SUN2: variants seen among roughly 807,000 people sequenced by gnomAD.
SUN2 encodes the protein SUN domain-containing protein 2.
A neutral mutation model predicts 100.0 loss-of-function variants in SUN2; 60 were observed. The observed-to-expected ratio is 0.60, with a 90% confidence interval of 0.49 to 0.74. SUN2 has a LOEUF of 0.74. SUN2 is among the 30% of genes least tolerant of loss of function. The pLI, the probability that SUN2 is intolerant of heterozygous loss-of-function variation, is 0.00. For missense variants in SUN2, 834 were observed against 954.6 expected, an observed-to-expected ratio of 0.87 and a Z score of 1.66; for synonymous variants, 367 against 403.3, an observed-to-expected ratio of 0.91 and a Z score of 1.08.
chr22:38,741,158 A>C (rs2092854224), intron 10 of SUN2, 108 bp from the exon 11 acceptor site: 1 of 1,274,670 alleles, frequency 7.8e-7, no homozygotes, highest in South Asian at 1.3e-5. Flanking sequence ...ACCCCTGCCC[A>C]AGGTCTCTTG....
At position 38,739,353 on chromosome 22, in the gene SUN2, A is replaced by G; in HGVS notation, c.1652T>C (p.Leu551Pro). 2 of 1,613,076 alleles carry G rather than the reference A, an allele frequency of 1.2e-6. No homozygotes were observed. Among genetic ancestry groups the G allele is most frequent in the Non-Finnish European group, 1.7e-6 (2 of 1,180,012 alleles). The change falls in exon 14 of 18, where the codon CTG (leucine) becomes CCG (proline). Residue 551 changes from leucine to proline, a missense_variant. Coordinates refer to ENST00000689035, the MANE Select transcript of SUN2 (RefSeq NM_015374.3). The surrounding 1 kb of genome is among the most constrained non-coding windows in gnomAD (Gnocchi z 6.7). ...EDRIGLADYA[L>P]ESGGASVIST... Reference sequence around the variant, plus strand: ...AGCAGAGCACGTACCTCCTGACTCCAGGGCGTAGTCTGCCAGCCCGATGCG... The same window carrying G: ...AGCAGAGCACGTACCTCCTGACTCCGGGGCGTAGTCTGCCAGCCCGATGCG...
chr22:38,735,767 G>T lies in SUN2; in HGVS notation c.*500C>A, dbSNP rs1287501184. 3 of 160,430 alleles carry T rather than the reference G, an allele frequency of 1.9e-5. No individual in the cohort carries two copies. The highest frequency in any genetic ancestry group is 7.2e-5 in the African/African-American group (3 of 41,522). The allele number at this position is 160,430 out of a possible 1,614,324, so 9.9% of individuals were successfully genotyped here. A position where few individuals can be genotyped will look rare whatever the true frequency, so the allele number is the denominator to read the frequency against. On this transcript the variant is annotated 3_prime_UTR_variant, in exon 18 of 18. Coordinates refer to ENST00000689035, the MANE Select transcript of SUN2 (RefSeq NM_015374.3). Reference sequence around the variant, plus strand: ...ACTAACCTTGTAGGAGAGCTGGGCAGCTCTCCATCAAGTGCTTCCTGCCTG... The same window carrying T: ...ACTAACCTTGTAGGAGAGCTGGGCATCTCTCCATCAAGTGCTTCCTGCCTG...
In SUN2 at chr22:38,755,176, T is replaced by C. The variant is rs80145848; in HGVS notation, c.-38+587A>G. On this transcript the variant is annotated intron_variant, in intron 1 of 17. Transcript: ENST00000689035. This position sits in a 1 kb window ranked among gnomAD's most constrained non-coding sequence, Gnocchi z 5.7. ...GATCTGGGGCATCTTCCTCGTGACA[T>C]TTCCACTCCCTGGGCACAGCCAGGC... 2.0e-3 allele frequency: 2,274 copies of C among 1,138,412 alleles called. 42 individuals carry two copies. In the African/African-American group the frequency reaches 0.035, roughly 18 times the overall value. The allele number at this position is 1,138,412 out of a possible 1,614,324, so 70.5% of individuals were successfully genotyped here.
intron 17 of SUN2, 45 bp from the exon 18 acceptor site, chr22:38,736,425 G>T: frequency 6.6e-7 from 1 of 1,513,472 alleles, no homozygotes; most frequent in Non-Finnish European, 9.0e-7. Flanking sequence ...GACCTGTGAG[G>T]CCTCACTGAC....
In SUN2 at chr22:38,738,973, C is replaced by G. The variant is rs139325445; in HGVS notation, c.1679G>C (p.Ser560Thr). The change falls in exon 15 of 18, where the codon AGC becomes ACC. Residue 560 changes from serine to threonine, a missense_variant. Around this residue, in one of 3 missense-constraint regions of SUN2, gnomAD observed 195 missense variants for 280.2 expected, o/e 0.70. Coordinates refer to ENST00000689035, the MANE Select transcript of SUN2 (RefSeq NM_015374.3). This position sits in a 1 kb window ranked among gnomAD's most constrained non-coding sequence, Gnocchi z 6.6. ...ALESGGASVI[S>T]TRCSETYETK... ...CTCGTAGGTCTCAGAACATCGGGTG[C>G]TGATGACGCTGGCCCCTGAGACAGG... The G allele has an allele frequency of 6.2e-7, 1 of 1,611,336 alleles. No homozygotes were observed. The highest frequency in any genetic ancestry group is 8.5e-7 in the Non-Finnish European group (1 of 1,178,972).
chr22:38,738,091 T>C lies in SUN2; in HGVS notation c.2040+82A>G. ...GGCTTCCCTCTCTGAACCCCATGCC[T>C]GGCAGGGTAAGTGCCCAGGGAGCAC... On this transcript the variant is annotated intron_variant, in intron 17 of 17. Transcript: ENST00000689035. The surrounding 1 kb of genome is among the most constrained non-coding windows in gnomAD (Gnocchi z 6.6). 2 of 1,258,582 alleles carry C rather than the reference T, an allele frequency of 1.6e-6. No homozygotes were observed. Among genetic ancestry groups the C allele is most frequent in the East Asian group, 4.6e-5 (2 of 43,220 alleles). 78.0% of individuals were successfully genotyped at this position (1,258,582 alleles called of 1,614,324 possible). A position where few individuals can be genotyped will look rare whatever the true frequency, so the allele number is the denominator to read the frequency against.
rs754563807 is a variant in SUN2, at chr22:38,748,717, C to T, written c.681G>A (p.Thr227=). 1.5e-5 allele frequency: 25 copies of T among 1,614,128 alleles called. No individual in the cohort carries two copies. Among genetic ancestry groups the T allele is most frequent in the African/African-American group, 1.3e-4 (10 of 74,938 alleles). ...LLPLLLLTCL[T]YGAWYFYPYG... Reference sequence around the variant, plus strand: ...GCTCTCCCCATGCAGGCTCACCATACGTCAGGCACGTCAGCAAGAGCAGCG... The same window carrying T: ...GCTCTCCCCATGCAGGCTCACCATATGTCAGGCACGTCAGCAAGAGCAGCG... The change falls in exon 7 of 18, where the codon ACG becomes ACA. Residue 227 remains threonine (T), a synonymous_variant. Transcript: ENST00000689035.
chr22:38,750,522 C>T lies in SUN2; in HGVS notation c.425-202G>A, dbSNP rs138716. The T allele has an allele frequency of 0.29, 332,093 of 1,159,874 alleles. 50,574 individuals carry two copies. Among genetic ancestry groups the T allele is most frequent in the East Asian group, 0.49 (18,807 of 38,608 alleles). The allele number at this position is 1,159,874 out of a possible 1,614,324, so 71.8% of individuals were successfully genotyped here. A position where few individuals can be genotyped will look rare whatever the true frequency, so the allele number is the denominator to read the frequency against. On this transcript the variant is annotated intron_variant, in intron 4 of 17. Coordinates refer to ENST00000689035, the MANE Select transcript of SUN2 (RefSeq NM_015374.3). ...ACAGCTTCCTGTTTGCATCCCTCTC[C>T]TCACCAGCCACCCCTCAAGCTGCTG...
intron 1 of SUN2, chr22:38,754,603 TCCCCTCCCCCCTC>T: frequency 5.6e-6 from 5 of 889,148 alleles, no homozygotes; most frequent in Non-Finnish European, 8.0e-6. Flanking sequence ...TAAGGTAATC[TCCCCTCCCCCCTC>T]CCTGCCCCGC....
intron 1 of SUN2, among the ~76,000 whole-genome samples, chr22:38,753,451 G>A (rs1175462264): frequency 6.6e-6 from 1 of 151,934 alleles, no homozygotes; most frequent in Non-Finnish European, 1.5e-5. Context: ...CCTGACCTCA[G>A]GTGATCTGTC....
At chr22:38,750,648 G>A (rs1212527275) in intron 4 of SUN2, among the ~76,000 whole-genome samples, 1 of 152,248 alleles carries the variant, frequency 6.6e-6, no homozygotes, top group African/African-American at 2.4e-5. Context: ...GGGCCTGAAT[G>A]CAAGGATGTT....
chr22:38,738,147 TCTG>T lies in SUN2; in HGVS notation c.2040+23_2040+25del, dbSNP rs777972639. On this transcript the variant is annotated intron_variant, in intron 17 of 17. Coordinates refer to ENST00000689035, the MANE Select transcript of SUN2 (RefSeq NM_015374.3). The surrounding 1 kb of genome is among the most constrained non-coding windows in gnomAD (Gnocchi z 6.6). ...GCCTGGATGGGGAGTCTGCGCCACT[TCTG>T]CTAGCACAGCAGCATCCCGTACCTG... 2.2e-5 allele frequency: 36 copies of T among 1,609,504 alleles called. No homozygotes were observed. The African/African-American group carries it at 4.0e-4, about 18-fold the overall frequency.
At position 38,738,532 on chromosome 22, in the gene SUN2, G is replaced by A. The variant is rs996078289; in HGVS notation, c.1947+55C>T. ...ACCCTGACTTGATCCTCAGTAGAGA[G>A]GCCCACAGGATCCCCCTGCAGCCCC... On this transcript the variant is annotated intron_variant, in intron 16 of 17. Transcript: ENST00000689035. The surrounding 1 kb of genome is among the most constrained non-coding windows in gnomAD (Gnocchi z 6.6). The A allele has an allele frequency of 2.5e-5, 39 of 1,582,464 alleles. 1 individual carries two copies. The Middle Eastern group carries it at 6.7e-4, about 27-fold the overall frequency.
At chr22:38,741,451 T>A in intron 10 of SUN2, 43 bp downstream of exon 10, 1 of 1,594,690 alleles carries the variant, frequency 6.3e-7, no homozygotes, top group Non-Finnish European at 8.6e-7. Flanking sequence ...TTGGATGGGG[T>A]CAGGACCCAG....
intron 1 of SUN2, chr22:38,754,984 A>G (rs1240369029): frequency 7.8e-7 from 1 of 1,288,104 alleles, no homozygotes; most frequent in African/African-American, 1.5e-5. Flanking sequence ...GAAATCTACT[A>G]CTGCGAATCA....
chr22:38,736,181 A>T lies in SUN2; in HGVS notation c.*86T>A. 7.8e-7 allele frequency: 1 copy of T among 1,289,318 alleles called. No individual in the cohort carries two copies. The allele number at this position is 1,289,318 out of a possible 1,614,324, so 79.9% of individuals were successfully genotyped here. A position where few individuals can be genotyped will look rare whatever the true frequency, so the allele number is the denominator to read the frequency against. On this transcript the variant is annotated 3_prime_UTR_variant, in exon 18 of 18. Coordinates refer to ENST00000689035, the MANE Select transcript of SUN2 (RefSeq NM_015374.3). The stretch of plus-strand genomic sequence containing the variant: ...CTCCTCTCTTGTGCTCCTAGAAGTC[A>T]GAGCGCCGAGCAAGCGTGTGGGGGA...
At chr22:38,742,091 C>T (rs1056420969) in intron 9 of SUN2, among the ~76,000 whole-genome samples, 7 of 150,784 alleles carry the variant, frequency 4.6e-5, no homozygotes, top group Non-Finnish European at 7.4e-5. Flanking sequence ...TGTAGTGAGT[C>T]GAGATCACGC....
chr22:38,748,323 A>G (rs1367259417), intron 7 of SUN2, among the ~76,000 whole-genome samples: 3 of 152,050 alleles, frequency 2.0e-5, no homozygotes, highest in Non-Finnish European at 4.4e-5. Flanking sequence ...CTCAAAAAAC[A>G]AACAAAAAAG....
chr22:38,740,616 C>G lies in SUN2; in HGVS notation c.1191-184G>C. 2 of 615,254 alleles carry G rather than the reference C, an allele frequency of 3.3e-6. No individual in the cohort carries two copies. The highest frequency in any genetic ancestry group is 5.4e-6 in the Non-Finnish European group (2 of 367,076). The allele number at this position is 615,254 out of a possible 1,614,324, so 38.1% of individuals were successfully genotyped here. On this transcript the variant is annotated intron_variant, in intron 11 of 17. Transcript: ENST00000689035. This position sits in a 1 kb window ranked among gnomAD's most constrained non-coding sequence, Gnocchi z 4.8. ...CTGGCTGCAGAACCCCTGCCTGTCC[C>G]AAGGAGCTAATTCTGAGCCTGCTCC...
Sources: gnomAD v4.1 joint callset for allele counts (sites outside exome capture counted in the v4.1 genomes callset) on GRCh38, gnomAD v4.1.1 for gene constraint, gnomAD v4.1.1 regional missense constraint, Gnocchi (gnomAD v3.1) non-coding constraint, MANE v1.5 for transcripts, NCBI Gene and HGNC (gene_info 2026-07-23, HGNC 2026-07-21) for gene names.